Variants in CRPPA observed in about 807,000 individuals in gnomAD.
CRPPA encodes D-ribitol-5-phosphate cytidylyltransferase.
CRPPA carries 43 observed loss-of-function variants against 52.0 expected under a neutral mutation model. The ratio of observed to expected loss-of-function variants is 0.83; its 90% CI spans 0.65 to 1.07. The LOEUF (loss-of-function observed/expected upper bound fraction) is 1.07. Among genes scored for constraint, CRPPA ranks in the 50% least tolerant of loss-of-function variants. CRPPA has a pLI of 0.00. For synonymous variants in CRPPA, 250 were observed against 203.5 expected, an observed-to-expected ratio of 1.23 and a Z score of -1.94; for missense variants, 629 against 551.7, an observed-to-expected ratio of 1.14 and a Z score of -1.40.
intron 9 of CRPPA, among the ~76,000 whole-genome samples, chr7:16,105,507 A>T (rs984502895): frequency 2.0e-5 from 3 of 152,146 alleles, no homozygotes; most frequent in African/African-American, 7.2e-5. Flanking sequence ...TTCATAGAAA[A>T]CAGTAGTGAA....
intron 9 of CRPPA, among the ~76,000 whole-genome samples, chr7:16,137,349 G>C (rs1464768982): frequency 1.3e-5 from 2 of 152,186 alleles, no homozygotes; most frequent in Non-Finnish European, 2.9e-5. Flanking sequence ...AATTTCTGTT[G>C]TTTATAAGCT....
chr7:16,135,255 A>G (rs902305178), intron 9 of CRPPA, among the ~76,000 whole-genome samples: 2 of 152,232 alleles, frequency 1.3e-5, no homozygotes, highest in Admixed American at 6.5e-5. Context: ...TAATAAATCT[A>G]AGCAAGTATA....
At chr7:16,414,088 AC>A (rs1007953972) in intron 1 of CRPPA, among the ~76,000 whole-genome samples, 27 of 152,232 alleles carry the variant, frequency 1.8e-4, no homozygotes, top group African/African-American at 6.3e-4. Flanking sequence ...GTTATAACAA[AC>A]TTTGACAAGC....
At chr7:16,259,457 A>ATC (rs998899440) in intron 6 of CRPPA, among the ~76,000 whole-genome samples, 8 of 152,032 alleles carry the variant, frequency 5.3e-5, no homozygotes, top group African/African-American at 1.7e-4. Context: ...GCAGTAAGAA[A>ATC]TCATCACAAC....
At chr7:16,412,351 T>A (rs1788093067) in intron 1 of CRPPA, among the ~76,000 whole-genome samples, 2 of 152,322 alleles carry the variant, frequency 1.3e-5, no homozygotes, top group Middle Eastern at 3.4e-3. Context: ...GTTGTTTGCA[T>A]GAATTTTCTT....
intron 5 of CRPPA, among the ~76,000 whole-genome samples, chr7:16,299,175 T>C (rs1237997943): frequency 6.6e-6 from 1 of 152,188 alleles, no homozygotes; most frequent in Non-Finnish European, 1.5e-5. Context: ...GGCTATATAC[T>C]ATATTACACT....
intron 9 of CRPPA, among the ~76,000 whole-genome samples, chr7:16,110,024 C>T (rs1041057576): frequency 6.6e-6 from 1 of 151,774 alleles, no homozygotes; most frequent in Non-Finnish European, 1.5e-5. Context: ...TTGCGGATGA[C>T]ATGATCTTAT....
chr7:16,345,588 G>A (rs1222239634), intron 3 of CRPPA, among the ~76,000 whole-genome samples: 1 of 152,060 alleles, frequency 6.6e-6, no homozygotes, highest in Non-Finnish European at 1.5e-5. Flanking sequence ...ACAGCACACA[G>A]GAAAGAGAAC....
intron 9 of CRPPA, among the ~76,000 whole-genome samples, chr7:16,182,808 G>A (rs1042349744): frequency 6.6e-6 from 1 of 152,054 alleles, no homozygotes; most frequent in Admixed American, 6.6e-5. Flanking sequence ...TTACCTTTTT[G>A]GATTTCTTTT....
At chr7:16,337,910 G>A (rs77012651) in intron 3 of CRPPA, among the ~76,000 whole-genome samples, 6,378 of 152,068 alleles carry the variant, frequency 0.042, 192 homozygotes, top group South Asian at 0.066. Flanking sequence ...GAATTCCACC[G>A]TACATTTAGA....
chr7:16,327,047 C>T (rs1379714433), intron 3 of CRPPA, among the ~76,000 whole-genome samples: 1 of 152,106 alleles, frequency 6.6e-6, no homozygotes, highest in Non-Finnish European at 1.5e-5. Flanking sequence ...GACATGCTAG[C>T]TCGTTTTTGC....
At chr7:16,194,195 T>C (rs1781676783) in intron 9 of CRPPA, among the ~76,000 whole-genome samples, 1 of 152,118 alleles carries the variant, frequency 6.6e-6, no homozygotes. Context: ...TTTTAGTCCA[T>C]ATTGTGGGCA....
chr7:16,399,483 T>C (rs769516977), intron 2 of CRPPA, among the ~76,000 whole-genome samples: 1 of 143,872 alleles, frequency 7.0e-6, no homozygotes, highest in Non-Finnish European at 1.5e-5. Flanking sequence ...AGACGTTTGA[T>C]CAACACATGT....
intron 2 of CRPPA, among the ~76,000 whole-genome samples, chr7:16,398,825 T>C (rs1391863611): frequency 1.3e-5 from 2 of 152,078 alleles, no homozygotes; most frequent in Non-Finnish European, 2.9e-5. Flanking sequence ...ACCAATACGT[T>C]TGACACGTGA....
chr7:16,198,649 G>A (rs562375335), intron 9 of CRPPA, among the ~76,000 whole-genome samples: 3 of 147,742 alleles, frequency 2.0e-5, no homozygotes, highest in Non-Finnish European at 3.0e-5. Context: ...CCCACCTTAC[G>A]AGAAACACCC....
chr7:16,276,390 G>T (rs988478608), intron 6 of CRPPA, among the ~76,000 whole-genome samples: 11 of 152,254 alleles, frequency 7.2e-5, no homozygotes, highest in Admixed American at 3.9e-4. Context: ...TAAAGGAAAA[G>T]AATTATTTGA....
chr7:16,198,841 T>C (rs917993819), intron 9 of CRPPA, among the ~76,000 whole-genome samples: 2 of 151,990 alleles, frequency 1.3e-5, no homozygotes, highest in Admixed American at 1.3e-4. Flanking sequence ...CAAAAATTGG[T>C]AAATTCTTTC....
chr7:16,349,747 A>C (rs1370298131), intron 3 of CRPPA, among the ~76,000 whole-genome samples: 1 of 152,046 alleles, frequency 6.6e-6, no homozygotes, highest in African/African-American at 2.4e-5. Context: ...AAGAGTACGG[A>C]TTACTTATGA....
chr7:16,305,433 A>T (rs1318911194), intron 4 of CRPPA, among the ~76,000 whole-genome samples: 1 of 152,220 alleles, frequency 6.6e-6, no homozygotes, highest in Non-Finnish European at 1.5e-5. Flanking sequence ...TCTCATTCAT[A>T]AGAGTAGAGC....
Sources: gnomAD v4.1 joint callset for allele counts (sites outside exome capture counted in the v4.1 genomes callset) on GRCh38, gnomAD v4.1.1 for gene constraint, MANE v1.5 for transcripts, NCBI Gene and HGNC (gene_info 2026-07-23, HGNC 2026-07-21) for gene names.